The following PALB2 variants were observed in gnomAD, a reference collection of about 807,000 sequenced individuals.
PALB2 encodes the protein partner and localizer of BRCA2, also known as mutant partner and localizer of BRCA2.
A neutral mutation model predicts 107.4 loss-of-function variants in PALB2; 82 were observed. The observed-to-expected ratio is 0.76, with a 90% CI of 0.64 to 0.92. The LOEUF (loss-of-function observed/expected upper bound fraction) is 0.92, where lower values mean the gene tolerates loss of function less well. PALB2 is among the 40% of genes least tolerant of loss of function. PALB2 has a pLI of 0.00. For missense variants in PALB2, 1,374 were observed against 1,379.9 expected (o/e 1.00, Z 0.07); for synonymous variants, 489 against 496.8 (o/e 0.98, Z 0.21).
chr16:23,629,952 A>C lies in PALB2; in HGVS notation c.2202T>G (p.Thr734=), dbSNP rs1278216949. The C allele has an allele frequency of 1.9e-6, 3 of 1,614,192 alleles. No individual in the cohort carries two copies. The highest frequency in any genetic ancestry group is 2.5e-6 in the Non-Finnish European group (3 of 1,180,044). Residue 734 remains threonine (T), a synonymous_variant, in exon 5 of 13, where the codon ACT becomes ACG. Transcript: ENST00000261584. ...CSPAFPILGT[T]PAFGPQGSYE... ...AGGAGCCTTGAGGGCCAAAGGCTGGAGTAGTACCTAAGATGGGGAAAGCAG... is the reference window on the plus strand; with the variant it reads ...AGGAGCCTTGAGGGCCAAAGGCTGGCGTAGTACCTAAGATGGGGAAAGCAG...
At chr16:23,607,464 TATA>T in intron 12 of PALB2, 3 of 275,358 alleles carry the variant, frequency 1.1e-5, no homozygotes, top group Non-Finnish European at 2.1e-5. Flanking sequence ...AATATATATA[TATA>T]TTTTTTTTGG....
chr16:23,627,919 T>TTTA (rs1342511705), intron 6 of PALB2, among the ~76,000 whole-genome samples: 1 of 152,224 alleles, frequency 6.6e-6, no homozygotes, highest in Non-Finnish European at 1.5e-5. Flanking sequence ...TAGTTGATTC[T>TTTA]TTAAGAGACT....
In PALB2 at chr16:23,626,402, C is replaced by T. The variant is rs1057522036; in HGVS notation, c.2587-5G>A. 1.9e-6 allele frequency: 3 copies of T among 1,614,120 alleles called. No homozygotes were observed. The highest frequency in any genetic ancestry group is 1.1e-5 in the South Asian group (1 of 91,082). On this transcript the variant is annotated splice_region_variant and splice_polypyrimidine_tract_variant and intron_variant, in intron 6 of 12. Coordinates refer to ENST00000261584, the MANE Select transcript of PALB2 (RefSeq NM_024675.4). The stretch of plus-strand genomic sequence containing the variant: ...GGAACAGGAACCTGAAGGATTCTGA[C>T]ACAATGGCAACAGTTCTGTTAAAGT...
intron 9 of PALB2, among the ~76,000 whole-genome samples, chr16:23,621,993 A>G (rs1966781492): frequency 1.3e-5 from 2 of 152,136 alleles, no homozygotes; most frequent in African/African-American, 4.8e-5. Flanking sequence ...TCCCATCTCC[A>G]CTAACATACC....
intron 9 of PALB2, 107 bp from the exon 10 acceptor site, chr16:23,621,585 G>GAA: frequency 8.6e-6 from 6 of 700,274 alleles, no homozygotes; most frequent in African/African-American, 1.8e-5. Context: ...CTAATATCAG[G>GAA]AAAAAAAAAT....
chr16:23,626,775 C>T (rs1021821725), intron 6 of PALB2, among the ~76,000 whole-genome samples: 1 of 152,026 alleles, frequency 6.6e-6, no homozygotes, highest in Admixed American at 6.6e-5. Context: ...GCGCCCGCCA[C>T]CACACCCAGC....
At position 23,634,983 on chromosome 16, in the gene PALB2, G is replaced by A. The variant is rs864622170; in HGVS notation, c.1563C>T (p.Thr521=). 1 of 1,614,162 alleles carries A rather than the reference G, an allele frequency of 6.2e-7. No homozygotes were observed. The highest frequency in any genetic ancestry group is 8.5e-7 in the Non-Finnish European group (1 of 1,180,050). The part of the protein sequence containing the change: ...RYTGKRKSAC[T]PASDHCEPLL... Reference sequence around the variant, plus strand: ...GTGGTTCACAATGATCTGATGCTGGGGTGCAGGCTGATTTTCTTTTTCCTG... The same window carrying A: ...GTGGTTCACAATGATCTGATGCTGGAGTGCAGGCTGATTTTCTTTTTCCTG... The change falls in exon 4 of 13, where the codon ACC becomes ACT. Residue 521 remains threonine (T), a synonymous_variant. Coordinates refer to ENST00000261584, the MANE Select transcript of PALB2 (RefSeq NM_024675.4).
intron 6 of PALB2, among the ~76,000 whole-genome samples, chr16:23,627,462 C>G (rs1019108521): frequency 1.6e-4 from 23 of 147,992 alleles, no homozygotes; most frequent in African/African-American, 5.5e-4. Context: ...AGTCCGCAGT[C>G]CAGCCTGGGC....
At chr16:23,605,888 G>A (rs1432324521) in intron 12 of PALB2, 1 of 152,220 alleles carries the variant, frequency 6.6e-6, no homozygotes, top group Non-Finnish European at 1.5e-5. Context: ...CTATGAGCCA[G>A]GAAATGGGCT....
intron 6 of PALB2, among the ~76,000 whole-genome samples, chr16:23,627,493 CAA>C (rs749429582): frequency 9.1e-5 from 5 of 54,692 alleles, no homozygotes; most frequent in Admixed American, 2.1e-4. Context: ...GACTCCGTCT[CAA>C]AAAAAAAAAA....
In PALB2 at chr16:23,608,799, T is replaced by TACACACACACACAC. The variant is rs1309453906; in HGVS notation, c.3202-788_3202-787insGTGTGTGTGTGTGT. On this transcript the variant is annotated intron_variant, in intron 11 of 12. Coordinates refer to ENST00000261584, the MANE Select transcript of PALB2 (RefSeq NM_024675.4). The stretch of plus-strand genomic sequence containing the variant: ...TAATATTACTGTATGTGTGTATATA[T>TACACACACACACAC]ATACACACACACACACACACACACA... Among the ~76,000 whole-genome samples, 223 of 115,118 alleles carry TACACACACACACAC rather than the reference T, an allele frequency of 1.9e-3. 1 individual carries two copies. The highest frequency in any genetic ancestry group is 8.1e-3 in the Middle Eastern group (2 of 246). 75.5% of individuals were successfully genotyped at this position (115,118 alleles called of 152,430 possible).
intron 11 of PALB2, among the ~76,000 whole-genome samples, chr16:23,613,018 G>A (rs944728880): frequency 2.1e-5 from 3 of 142,252 alleles, no homozygotes; most frequent in African/African-American, 5.1e-5. Flanking sequence ...CTCCCAAAGC[G>A]TTTTTTTTTT....
At chr16:23,611,440 C>T (rs2142289141) in intron 11 of PALB2, among the ~76,000 whole-genome samples, 1 of 151,710 alleles carries the variant, frequency 6.6e-6, no homozygotes, top group South Asian at 2.1e-4. Flanking sequence ...GCCACCATGC[C>T]CAGCCTAGTT....
chr16:23,608,408 G>A (rs763171144), intron 11 of PALB2, among the ~76,000 whole-genome samples: 13 of 152,210 alleles, frequency 8.5e-5, no homozygotes, highest in Admixed American at 2.0e-4. Flanking sequence ...GTTTTAGCCA[G>A]TCTTGCCAGG....
At chr16:23,627,908 A>G (rs1966849617) in intron 6 of PALB2, among the ~76,000 whole-genome samples, 1 of 152,242 alleles carries the variant, frequency 6.6e-6, no homozygotes, top group Non-Finnish European at 1.5e-5. Context: ...TATGAATGAA[A>G]TAGTTGATTC....
chr16:23,632,060 T>C (rs1421984286), intron 4 of PALB2, among the ~76,000 whole-genome samples: 1 of 152,192 alleles, frequency 6.6e-6, no homozygotes, highest in African/African-American at 2.4e-5. Flanking sequence ...ATAAACAAAC[T>C]GTGGTATATA....
At chr16:23,619,202 A>G (rs1966732482) in intron 10 of PALB2, among the ~76,000 whole-genome samples, 1 of 152,158 alleles carries the variant, frequency 6.6e-6, no homozygotes, top group Non-Finnish European at 1.5e-5. Context: ...AAAAACATCA[A>G]TCTATTTTCC....
chr16:23,624,748 T>C (rs1201737992), intron 7 of PALB2, among the ~76,000 whole-genome samples: 2 of 152,158 alleles, frequency 1.3e-5, no homozygotes, highest in Middle Eastern at 3.2e-3. Flanking sequence ...TGACCTCAGG[T>C]GATCCACCCA....
At position 23,626,277 on chromosome 16, in the gene PALB2, C is replaced by G. The variant is rs1324636666; in HGVS notation, c.2707G>C (p.Ala903Pro). ...DVVSLWKALD[A>P]WQWEKLYTWH... ...GTATAAAGTTTTTCCCACTGCCAAG[C>G]ATCCAGAGCTTTCCAAAGAGAAACT... is the stretch of plus-strand genomic sequence containing the variant. The change falls in exon 7 of 13, where the codon GCT becomes CCT. Residue 903 changes from alanine (A) to proline (P), a missense_variant. Transcript: ENST00000261584. The G allele has an allele frequency of 6.2e-7, 1 of 1,614,180 alleles. No individual in the cohort carries two copies. The highest frequency in any genetic ancestry group is 8.5e-7 in the Non-Finnish European group (1 of 1,180,028).
Sources: allele counts gnomAD v4.1 joint callset (sites outside exome capture counted in the v4.1 genomes callset), GRCh38; gene constraint gnomAD v4.1.1; transcripts MANE v1.5; gene names NCBI Gene and HGNC (gene_info 2026-07-23, HGNC 2026-07-21).